Variants in TMEM132D observed in about 807,000 individuals in gnomAD.
TMEM132D encodes mature OL transmembrane protein.
A neutral mutation model predicts 62.3 loss-of-function variants in TMEM132D; 21 were observed. The observed-to-expected ratio is 0.34, with a 90% CI of 0.24 to 0.49. The LOEUF (loss-of-function observed/expected upper bound fraction) is 0.49, where lower values mean the gene tolerates loss of function less well. Among genes scored for constraint, TMEM132D ranks in the 20% least tolerant of loss-of-function variants. The probability of loss-of-function intolerance (pLI) is 0.99; values close to 1 mark genes in which losing one functional copy is unlikely to be tolerated. For synonymous variants in TMEM132D, 621 were observed against 575.6 expected, an observed-to-expected ratio of 1.08 and a Z score of -1.13; for missense variants, 1,346 against 1,402.8, an observed-to-expected ratio of 0.96 and a Z score of 0.65.
At chr12:129,687,467 A>G (rs1467867229) in intron 2 of TMEM132D, among the ~76,000 whole-genome samples, 1 of 151,062 alleles carries the variant, frequency 6.6e-6, no homozygotes, top group Non-Finnish European at 1.5e-5. Context: ...GTTGTCCCAC[A>G]TTGGTGCTGA....
intron 3 of TMEM132D, among the ~76,000 whole-genome samples, chr12:129,433,793 G>A (rs1034756059): frequency 4.6e-5 from 7 of 152,138 alleles, no homozygotes; most frequent in African/African-American, 7.2e-5. Flanking sequence ...TCAGCAGGAG[G>A]GGACACACGG....
chr12:129,860,174 G>A (rs1873846163), intron 1 of TMEM132D, among the ~76,000 whole-genome samples: 1 of 152,164 alleles, frequency 6.6e-6, no homozygotes, highest in Admixed American at 6.5e-5. Context: ...TGCCTCTGTG[G>A]ACATTTGAGA....
At chr12:129,103,078 T>C (rs759797921) in intron 5 of TMEM132D, among the ~76,000 whole-genome samples, 1 of 152,206 alleles carries the variant, frequency 6.6e-6, no homozygotes, top group Non-Finnish European at 1.5e-5. Flanking sequence ...CACCCTTCCA[T>C]GCTCTGTTTT....
At chr12:129,823,858 T>G (rs1216727442) in intron 1 of TMEM132D, among the ~76,000 whole-genome samples, 2 of 152,226 alleles carry the variant, frequency 1.3e-5, no homozygotes, top group Admixed American at 1.3e-4. Flanking sequence ...AGATATTTGT[T>G]AAAACATAAT....
At chr12:129,545,351 C>G (rs559978872) in intron 2 of TMEM132D, among the ~76,000 whole-genome samples, 1 of 152,180 alleles carries the variant, frequency 6.6e-6, no homozygotes, top group Non-Finnish European at 1.5e-5. Flanking sequence ...CAGTTCTCTG[C>G]TAGCCCACTT....
At chr12:129,354,594 T>A (rs1593348588) in intron 3 of TMEM132D, among the ~76,000 whole-genome samples, 1 of 152,196 alleles carries the variant, frequency 6.6e-6, no homozygotes, top group East Asian at 1.9e-4. Context: ...AGTGCTGGGA[T>A]TACAGGCGTG....
chr12:129,491,642 TA>T, intron 3 of TMEM132D, among the ~76,000 whole-genome samples: 1 of 152,338 alleles, frequency 6.6e-6, no homozygotes. Context: ...CCTGGGTTTT[TA>T]AATCTTTGCT....
At position 129,324,250 on chromosome 12, in the gene TMEM132D, A is replaced by C. The variant is rs59872443; in HGVS notation, c.1299+13384T>G. 9.1e-3 allele frequency among the ~76,000 whole-genome samples: 1,388 copies of C among 152,258 alleles called. 29 individuals are homozygous for C. Among genetic ancestry groups the C allele is most frequent in the African/African-American group, 0.032 (1,310 of 41,550 alleles). On this transcript the variant is annotated intron_variant, in intron 4 of 8. Coordinates refer to ENST00000422113, the MANE Select transcript of TMEM132D (RefSeq NM_133448.3). Reference sequence around the variant, plus strand: ...CCAGTTTAGGGTAGGTTGATGGCCTAATTGGACACAGTCTGACTGTTCGCA... The same window carrying C: ...CCAGTTTAGGGTAGGTTGATGGCCTCATTGGACACAGTCTGACTGTTCGCA...
chr12:129,558,397 T>C (rs1877120749), intron 2 of TMEM132D, among the ~76,000 whole-genome samples: 1 of 152,162 alleles, frequency 6.6e-6, no homozygotes, highest in Non-Finnish European at 1.5e-5. Context: ...AGCTTTAGAA[T>C]ATTTCAATTA....
intron 1 of TMEM132D, among the ~76,000 whole-genome samples, chr12:129,804,752 TC>T (rs1442551934): frequency 1.1e-5 from 1 of 90,038 alleles, no homozygotes; most frequent in African/African-American, 3.8e-5. Flanking sequence ...AGTCAAGTTG[TC>T]CCTGTTTGCA....
At chr12:129,380,398 A>T (rs10773643) in intron 3 of TMEM132D, among the ~76,000 whole-genome samples, 3 of 151,554 alleles carry the variant, frequency 2.0e-5, no homozygotes, top group East Asian at 3.9e-4. Flanking sequence ...TTGTAGTTTC[A>T]CATGATCACG....
chr12:129,828,362 T>C (rs1872716165), intron 1 of TMEM132D, among the ~76,000 whole-genome samples: 1 of 152,054 alleles, frequency 6.6e-6, no homozygotes, highest in South Asian at 2.1e-4. Flanking sequence ...TTAGAAATCA[T>C]TAAGCCAAAC....
In TMEM132D at chr12:129,267,851, A is replaced by G. The variant is rs562177555; in HGVS notation, c.1300-58188T>C. Among the ~76,000 whole-genome samples, 1,427 of 152,302 alleles carry G rather than the reference A, an allele frequency of 9.4e-3. 18 individuals are homozygous for G. The highest frequency in any genetic ancestry group is 0.033 in the African/African-American group (1,368 of 41,564). Reference sequence around the variant, plus strand: ...CAAAACAGAGATATAGATCAATGGAACAGAACAGAGCCCTCAGAAATAATG... The same window carrying G: ...CAAAACAGAGATATAGATCAATGGAGCAGAACAGAGCCCTCAGAAATAATG... On this transcript the variant is annotated intron_variant, in intron 4 of 8. Coordinates refer to ENST00000422113, the MANE Select transcript of TMEM132D (RefSeq NM_133448.3).
chr12:129,733,856 T>G (rs1869333524), intron 1 of TMEM132D, among the ~76,000 whole-genome samples: 1 of 152,188 alleles, frequency 6.6e-6, no homozygotes, highest in African/African-American at 2.4e-5. Context: ...GATCTGCTGA[T>G]GGATCAGATG....
At chr12:129,828,330 C>G (rs111487598) in intron 1 of TMEM132D, among the ~76,000 whole-genome samples, 3,227 of 152,106 alleles carry the variant, frequency 0.021, 127 homozygotes, top group African/African-American at 0.073. Context: ...ATAAAAGCCG[C>G]CTAATGTTAT....
chr12:129,555,962 C>T (rs993105854), intron 2 of TMEM132D, among the ~76,000 whole-genome samples: 2 of 152,160 alleles, frequency 1.3e-5, no homozygotes, highest in Non-Finnish European at 2.9e-5. Context: ...TGGACATACA[C>T]ATCAAATTTG....
chr12:129,431,468 T>C (rs1872652672), intron 3 of TMEM132D, among the ~76,000 whole-genome samples: 1 of 152,168 alleles, frequency 6.6e-6, no homozygotes, highest in Admixed American at 6.5e-5. Context: ...TCCAGAACTA[T>C]GCACACGGGA....
At chr12:129,588,202 A>G (rs183546886) in intron 2 of TMEM132D, among the ~76,000 whole-genome samples, 1 of 152,352 alleles carries the variant, frequency 6.6e-6, no homozygotes, top group African/African-American at 2.4e-5. Context: ...GCTTAATTCC[A>G]TATTCAAAGT....
intron 3 of TMEM132D, among the ~76,000 whole-genome samples, chr12:129,349,018 G>A (rs1019726991): frequency 3.9e-5 from 6 of 152,210 alleles, no homozygotes; most frequent in Non-Finnish European, 7.3e-5. Flanking sequence ...GGGGACAGAT[G>A]GACAAGTCCA....
Sources: allele counts gnomAD v4.1 joint callset (sites outside exome capture counted in the v4.1 genomes callset), GRCh38; gene constraint gnomAD v4.1.1; transcripts MANE v1.5; gene names NCBI Gene and HGNC (gene_info 2026-07-23, HGNC 2026-07-21).